Variants in CDH18 observed in about 807,000 individuals in gnomAD.
CDH18 encodes cadherin 18, also known as cadherin-18.
Under a neutral mutation model 67.9 loss-of-function variants are expected in CDH18, and 31 were observed. The observed-to-expected ratio is 0.46, with a 90% CI of 0.34 to 0.62. The LOEUF is 0.62. CDH18 is among the 20% of genes least tolerant of loss of function. CDH18 has a pLI of 0.01. For missense variants in CDH18, 890 were observed against 975.5 expected (o/e 0.91, Z 1.17); for synonymous variants, 362 against 347.2 (o/e 1.04, Z -0.48).
chr5:19,630,861 A>G (rs912056361), intron 5 of CDH18, among the ~76,000 whole-genome samples: 1 of 152,122 alleles, frequency 6.6e-6, no homozygotes, highest in African/African-American at 2.4e-5. Flanking sequence ...ATAGAGCAAG[A>G]CCTGAACTAG....
chr5:19,876,497 T>C (rs920464121), intron 2 of CDH18, among the ~76,000 whole-genome samples: 2 of 152,126 alleles, frequency 1.3e-5, no homozygotes, highest in Non-Finnish European at 2.9e-5. Context: ...TAAATATTGA[T>C]ATGAACTGGA....
At chr5:19,747,399 T>C (rs531951718) in intron 3 of CDH18, among the ~76,000 whole-genome samples, 163 bp from the exon 4 acceptor site, 1 of 152,182 alleles carries the variant, frequency 6.6e-6, no homozygotes, top group Admixed American at 6.5e-5. Context: ...GTTTTTTTTT[T>C]TCACTTGGTT....
chr5:19,586,921 C>G (rs1054663699), intron 7 of CDH18, among the ~76,000 whole-genome samples: 3 of 152,118 alleles, frequency 2.0e-5, no homozygotes, highest in African/African-American at 7.2e-5. Flanking sequence ...GAGATGGTAT[C>G]ACATTGTGGT....
intron 2 of CDH18, among the ~76,000 whole-genome samples, chr5:20,044,062 C>T (rs904642389): frequency 3.9e-5 from 6 of 152,010 alleles, no homozygotes; most frequent in African/African-American, 2.4e-5. Flanking sequence ...ACATAATAGG[C>T]ACTATTCATT....
intron 2 of CDH18, among the ~76,000 whole-genome samples, chr5:19,842,270 C>A (rs942253295): frequency 6.6e-6 from 1 of 152,164 alleles, no homozygotes; most frequent in Non-Finnish European, 1.5e-5. Context: ...TGTGTCCCCA[C>A]CTATCTCTCA....
chr5:20,002,141 T>C (rs1288939000), intron 2 of CDH18, among the ~76,000 whole-genome samples: 1 of 152,196 alleles, frequency 6.6e-6, no homozygotes, highest in Middle Eastern at 3.2e-3. Context: ...CCTAAATCTT[T>C]CCAGTACATT....
At chr5:20,055,047 TG>T (rs1399197796) in intron 2 of CDH18, among the ~76,000 whole-genome samples, 4 of 152,168 alleles carry the variant, frequency 2.6e-5, no homozygotes, top group Non-Finnish European at 5.9e-5. Context: ...TATATTTCTG[TG>T]AAAGACAACC....
chr5:19,665,417 T>C (rs192591971), intron 5 of CDH18, among the ~76,000 whole-genome samples: 105 of 152,178 alleles, frequency 6.9e-4, no homozygotes, highest in African/African-American at 2.5e-3. Flanking sequence ...ATGCTCAGTG[T>C]TAATTTTTGT....
intron 2 of CDH18, among the ~76,000 whole-genome samples, chr5:20,171,521 A>G (rs1210932641): frequency 6.6e-6 from 1 of 151,890 alleles, no homozygotes; most frequent in Non-Finnish European, 1.5e-5. Flanking sequence ...TCTTCTTTTA[A>G]AGAGTGTCTG....
chr5:20,400,849 A>T (rs1404864392), intron 1 of CDH18, among the ~76,000 whole-genome samples: 1 of 152,130 alleles, frequency 6.6e-6, no homozygotes, highest in East Asian at 1.9e-4. Flanking sequence ...ATAAATAAAA[A>T]CCAACCAACC....
intron 2 of CDH18, among the ~76,000 whole-genome samples, chr5:20,012,320 T>G (rs1737510451): frequency 6.6e-6 from 1 of 150,854 alleles, no homozygotes; most frequent in Non-Finnish European, 1.5e-5. Flanking sequence ...GAATCTTCTC[T>G]CTTTTTTCTT....
chr5:19,930,468 T>A (rs879680663), intron 2 of CDH18, among the ~76,000 whole-genome samples: 3 of 152,042 alleles, frequency 2.0e-5, no homozygotes, highest in African/African-American at 7.2e-5. Context: ...CTCTCTCATA[T>A]TATGGAAGTG....
intron 1 of CDH18, among the ~76,000 whole-genome samples, chr5:20,356,753 C>CTCTACA (rs1228584814): frequency 8.2e-5 from 10 of 121,554 alleles, no homozygotes; most frequent in Non-Finnish European, 1.7e-4. Context: ...CTCTCTCTCT[C>CTCTACA]TATATATATA....
intron 1 of CDH18, among the ~76,000 whole-genome samples, chr5:20,539,111 A>G (rs1756906550): frequency 1.3e-5 from 2 of 151,880 alleles, no homozygotes; most frequent in African/African-American, 4.8e-5. Context: ...CTGGTCTCCA[A>G]CTTCTGACCT....
intron 5 of CDH18, among the ~76,000 whole-genome samples, chr5:19,635,054 T>A (rs1752947506): frequency 6.6e-6 from 1 of 152,134 alleles, no homozygotes; most frequent in Non-Finnish European, 1.5e-5. Context: ...TTCAAAATAC[T>A]CCTGTGAGGT....
chr5:20,260,759 C>CA (rs1176418900), intron 1 of CDH18, among the ~76,000 whole-genome samples: 3 of 151,940 alleles, frequency 2.0e-5, no homozygotes, highest in African/African-American at 7.3e-5. Flanking sequence ...GCTGACTTGG[C>CA]AGAAGTAAGA....
Position 20,480,098 on chromosome 5 carries a change from G to T in CDH18, c.-580+95364C>A, listed in dbSNP as rs528502209. On this transcript the variant is annotated intron_variant, in intron 1 of 14. Transcript: ENST00000507958. ...ATCAGACAAATGAAAGCTAATGGAT[G>T]TCATCAACACGAGATCTGTGCTATA... Among the ~76,000 whole-genome samples the T allele has an allele frequency of 3.3e-5, 5 of 152,242 alleles. No homozygotes were observed. The East Asian group carries it at 9.7e-4, about 29-fold the overall frequency.
At chr5:20,335,114 A>T (rs1286957572) in intron 1 of CDH18, among the ~76,000 whole-genome samples, 1 of 151,816 alleles carries the variant, frequency 6.6e-6, no homozygotes, top group Non-Finnish European at 1.5e-5. Flanking sequence ...CAGAGTCAAA[A>T]CCTAAGTCCC....
intron 2 of CDH18, among the ~76,000 whole-genome samples, chr5:20,216,625 A>C (rs1337983077): frequency 6.6e-6 from 1 of 151,906 alleles, no homozygotes; most frequent in Non-Finnish European, 1.5e-5. Flanking sequence ...ATGATTTTTC[A>C]TAAGATTTTA....
Sources: gnomAD v4.1 joint callset for allele counts (sites outside exome capture counted in the v4.1 genomes callset) on GRCh38, gnomAD v4.1.1 for gene constraint, MANE v1.5 for transcripts, NCBI Gene and HGNC (gene_info 2026-07-23, HGNC 2026-07-21) for gene names.